E2F4: variants seen among roughly 807,000 people sequenced by gnomAD.
E2F4 encodes transcription factor E2F4.
A neutral mutation model predicts 44.5 loss-of-function variants in E2F4; 16 were observed. That is an observed-to-expected ratio of 0.36 (90% CI 0.24 to 0.55). The LOEUF (loss-of-function observed/expected upper bound fraction) is 0.55, where lower values mean the gene tolerates loss of function less well. E2F4 is among the 20% of genes least tolerant of loss of function. The pLI is 0.87. For missense variants in E2F4, 473 were observed against 522.1 expected (o/e 0.91, Z 0.92); for synonymous variants, 242 against 207.2 (o/e 1.17, Z -1.44).
rs143853278 is a variant in E2F4 at position 67,194,817 on chromosome 16, G to C, written c.645G>C (p.Leu215Phe). ...VAVPVPPPED[L>F]LQSPSAVSTP... Reference sequence around the variant, plus strand: ...TGCCTGTGCCACCACCTGAAGATTTGCTCCAGAGCCCATCTGCTGTTTCTA... The same window carrying C: ...TGCCTGTGCCACCACCTGAAGATTTCCTCCAGAGCCCATCTGCTGTTTCTA... The change falls in exon 6 of 10, where the codon TTG becomes TTC. Residue 215 changes from leucine to phenylalanine, a missense_variant. Around this residue, in one of 3 missense-constraint regions of E2F4, gnomAD observed 314 missense variants for 315.6 expected, o/e 0.99. Transcript: ENST00000379378. The C allele has an allele frequency of 6.2e-7, 1 of 1,614,072 alleles. No homozygotes were observed. The highest frequency in any genetic ancestry group is 1.7e-5 in the Admixed American group (1 of 60,006).
intron 5 of E2F4, 40 bp downstream of exon 5, chr16:67,194,499 G>T (rs376942340): frequency 6.2e-7 from 1 of 1,611,218 alleles, no homozygotes; most frequent in Admixed American, 1.7e-5. Context: ...AGCTGAGGGC[G>T]GGTGCTGGCT....
At chr16:67,193,216 T>C in intron 3 of E2F4, 46 bp downstream of exon 3, 1 of 1,543,352 alleles carries the variant, frequency 6.5e-7, no homozygotes. Context: ...CAAGGGGCCC[T>C]CTGGTTCAAC....
In E2F4 at chr16:67,196,048, C is replaced by T. The variant is rs754637980; in HGVS notation, c.1033+42C>T. 13 of 1,611,436 alleles carry T rather than the reference C, an allele frequency of 8.1e-6. No homozygotes were observed. The South Asian group carries it at 8.8e-5, about 11-fold the overall frequency. ...TGGGGGCAGAGAGAGAGAGTCTAGC[C>T]TCAGTCCAGTCCTAGGTCAGAAAAC... is the stretch of plus-strand genomic sequence containing the variant. On this transcript the variant is annotated intron_variant, in intron 7 of 9. Transcript: ENST00000379378.
chr16:67,194,757 G>A lies in E2F4; in HGVS notation c.585G>A (p.Val195=). 6.2e-7 allele frequency: 1 copy of A among 1,614,206 alleles called. No homozygotes were observed. Residue 195 remains valine (V), a synonymous_variant, in exon 6 of 10, where the codon GTG becomes GTA. Coordinates refer to ENST00000379378, the MANE Select transcript of E2F4 (RefSeq NM_001950.4). ...GTGGTCCCATTGAGGTTCTGCTGGT[G>A]AACAAGGAGGCATGGAGCTCACCCC... The part of the protein sequence containing the change: ...SVSGPIEVLL[V]NKEAWSSPPV...
intron 3 of E2F4, 148 bp from the exon 4 acceptor site, chr16:67,193,322 CTT>C: frequency 2.7e-6 from 4 of 1,493,104 alleles, no homozygotes; most frequent in Non-Finnish European, 3.7e-6. Context: ...CCCTTCCACT[CTT>C]AGCCTGTGAT....
chr16:67,194,324 C>T, intron 4 of E2F4, 74 bp from the exon 5 acceptor site: 1 of 1,541,340 alleles, frequency 6.5e-7, no homozygotes, highest in Non-Finnish European at 8.9e-7. Context: ...CTGCCTTGCT[C>T]CAAAAGGCAG....
At chr16:67,197,306 G>T (rs550729946) in intron 7 of E2F4, among the ~76,000 whole-genome samples, 1 of 152,318 alleles carries the variant, frequency 6.6e-6, no homozygotes, top group South Asian at 2.1e-4. Context: ...GGTACCTTCT[G>T]TCAGACAGGG....
chr16:67,196,388 G>A (rs2032970508), intron 7 of E2F4, among the ~76,000 whole-genome samples: 1 of 152,196 alleles, frequency 6.6e-6, no homozygotes, highest in South Asian at 2.1e-4. Context: ...CAGTGTTACA[G>A]CGGTGTTACT....
Position 67,197,898 on chromosome 16 carries a change from G to C in E2F4, c.1113G>C (p.Leu371Phe), listed in dbSNP as rs141549734. 6 of 1,614,002 alleles carry C rather than the reference G, an allele frequency of 3.7e-6. No homozygotes were observed. The African/African-American group carries it at 8.0e-5, about 22-fold the overall frequency. The part of the protein sequence containing the change: ...ECMSSELLEE[L>F]MSSEVFAPLL... ...TGAGCTCGGAGCTGCTGGAGGAGTT[G>C]ATGTCCTCAGAAGGTGGGTGGCCCT... Residue 371 changes from leucine (L) to phenylalanine (F), a missense_variant, in exon 9 of 10, where the codon TTG becomes TTC. This residue lies in a region of E2F4 where 314 missense variants were observed against 315.6 expected (regional missense o/e 0.99). Coordinates refer to ENST00000379378, the MANE Select transcript of E2F4 (RefSeq NM_001950.4).
In E2F4 at chr16:67,198,093, C is replaced by T; in HGVS notation, c.1212C>T (p.Asp404=). ...YNLDESEGVC[D]LFDVPVLNL ...TGGACGAGAGTGAAGGTGTCTGTGA[C>T]CTCTTTGATGTGCCTGTTCTCAACC... Residue 404 remains aspartate, a synonymous_variant, in exon 10 of 10, where the codon GAC becomes GAT. Transcript: ENST00000379378. The T allele has an allele frequency of 1.2e-6, 2 of 1,613,948 alleles. No individual in the cohort carries two copies. The highest frequency in any genetic ancestry group is 1.7e-6 in the Non-Finnish European group (2 of 1,179,986).
chr16:67,195,072 G>A, intron 6 of E2F4, 92 bp downstream of exon 6: 2 of 1,477,686 alleles, frequency 1.4e-6, no homozygotes, highest in South Asian at 1.3e-5. Flanking sequence ...AGACTCTTCA[G>A]GTTGGGGATT....
At chr16:67,195,456 C>A (rs2032951976) in intron 6 of E2F4, among the ~76,000 whole-genome samples, 1 of 152,174 alleles carries the variant, frequency 6.6e-6, no homozygotes, top group Non-Finnish European at 1.5e-5. Context: ...TAACAGGGAA[C>A]CTCTGACTGT....
Position 67,198,811 on chromosome 16 carries a change from A to G in E2F4, c.*688A>G. On this transcript the variant is annotated 3_prime_UTR_variant, in exon 10 of 10. Coordinates refer to ENST00000379378, the MANE Select transcript of E2F4 (RefSeq NM_001950.4). ...TTTGCAGAGATTTAGAAAGATTTAC[A>G]GTAACGAATGGATTCCTATATAAAG... The G allele has an allele frequency of 3.7e-6, 1 of 272,552 alleles. No homozygotes were observed. The highest frequency in any genetic ancestry group is 6.6e-5 in the South Asian group (1 of 15,156). The allele number at this position is 272,552 out of a possible 1,614,324, so 16.9% of individuals were successfully genotyped here.
intron 7 of E2F4, among the ~76,000 whole-genome samples, chr16:67,196,516 T>C (rs974817715): frequency 1.3e-5 from 2 of 152,106 alleles, no homozygotes; most frequent in African/African-American, 4.8e-5. Context: ...AGCTTTTGGC[T>C]CTCCTATCTC....
chr16:67,192,559 T>A (rs927357190), intron 1 of E2F4, 197 bp downstream of exon 1: 31 of 1,004,164 alleles, frequency 3.1e-5, no homozygotes, highest in Non-Finnish European at 4.1e-5. Context: ...AGGCTCGGGC[T>A]GCAGGTGTTC....
intron 6 of E2F4, 52 bp from the exon 7 acceptor site, chr16:67,195,730 C>G (rs1436821464): frequency 6.2e-7 from 1 of 1,607,648 alleles, no homozygotes; most frequent in African/African-American, 1.3e-5. Context: ...CAGCCAGTTT[C>G]AACGACCTCT....
chr16:67,195,725 A>C (rs2032955981), intron 6 of E2F4, 57 bp from the exon 7 acceptor site: 1 of 1,606,256 alleles, frequency 6.2e-7, no homozygotes, highest in Admixed American at 1.7e-5. Flanking sequence ...CAGCACAGCC[A>C]GTTTCAACGA....
In E2F4 at chr16:67,198,004, G is replaced by A. The variant is rs2032999781; in HGVS notation, c.1127-4G>A. 2 of 1,614,124 alleles carry A rather than the reference G, an allele frequency of 1.2e-6. No homozygotes were observed. Among genetic ancestry groups the A allele is most frequent in the East Asian group, 2.2e-5 (1 of 44,884 alleles). ...CCAGGGCCTGAGACTAGTGCTCTCT[G>A]CAGTGTTTGCCCCTCTGCTTCGTCT... On this transcript the variant is annotated splice_polypyrimidine_tract_variant and splice_region_variant and intron_variant, in intron 9 of 9. Coordinates refer to ENST00000379378, the MANE Select transcript of E2F4 (RefSeq NM_001950.4).
Position 67,198,243 on chromosome 16 carries a change from C to G in E2F4, c.*120C>G. 1.2e-6 allele frequency: 1 copy of G among 818,596 alleles called. No homozygotes were observed. Among genetic ancestry groups the G allele is most frequent in the Non-Finnish European group, 2.0e-6 (1 of 490,524 alleles). The allele number at this position is 818,596 out of a possible 1,614,324, so 50.7% of individuals were successfully genotyped here. A position where few individuals can be genotyped will look rare whatever the true frequency, so the allele number is the denominator to read the frequency against. ...AGCCACAGACGCCTGGCTTCTCCGGCCTCCCCTCACCGCACAGTTCTGGCC... is the reference window on the plus strand; with the variant it reads ...AGCCACAGACGCCTGGCTTCTCCGGGCTCCCCTCACCGCACAGTTCTGGCC... On this transcript the variant is annotated 3_prime_UTR_variant, in exon 10 of 10. Transcript: ENST00000379378.
Sources: allele counts gnomAD v4.1 joint callset (sites outside exome capture counted in the v4.1 genomes callset), GRCh38; gene constraint gnomAD v4.1.1; regional missense constraint gnomAD v4.1.1; transcripts MANE v1.5; gene names NCBI Gene and HGNC (gene_info 2026-07-23, HGNC 2026-07-21).